The following CLIC5 variants were observed in gnomAD, a reference collection of about 807,000 sequenced individuals.
The protein encoded by CLIC5 is CLIC family member 5, also known as chloride intracellular channel protein 5.
CLIC5 carries 20 observed loss-of-function variants against 24.7 expected under a neutral mutation model. The ratio of observed to expected loss-of-function variants is 0.81; its 90% CI spans 0.57 to 1.18. CLIC5 has a LOEUF of 1.18. Among genes scored for constraint, CLIC5 ranks in the 50% most tolerant of loss-of-function variants. CLIC5 has a pLI of 0.00. For missense variants in CLIC5, 341 were observed against 326.1 expected (o/e 1.05, Z -0.35); for synonymous variants, 159 against 135.6 (o/e 1.17, Z -1.20).
At chr6:45,978,235 G>T (rs1470369910) in intron 1 of CLIC5, among the ~76,000 whole-genome samples, 1 of 152,150 alleles carries the variant, frequency 6.6e-6, no homozygotes, top group Non-Finnish European at 1.5e-5. Flanking sequence ...TACCTGGTCT[G>T]ACCCATCTAT....
chr6:46,108,183 G>A, the CLIC5 span, among the ~76,000 whole-genome samples: 3 of 151,958 alleles, frequency 2.0e-5, no homozygotes, highest in Admixed American at 6.6e-5. Context: ...TGCTTATAAG[G>A]TTTTATTAAA....
chr6:46,050,291 T>G (rs1768068104), intron 1 of CLIC5, among the ~76,000 whole-genome samples: 1 of 152,220 alleles, frequency 6.6e-6, no homozygotes, highest in Non-Finnish European at 1.5e-5. Flanking sequence ...TCTGACGCTG[T>G]TGATGCCCTG....
At chr6:45,948,388 C>T (rs1764356855) in intron 3 of CLIC5, among the ~76,000 whole-genome samples, 1 of 152,136 alleles carries the variant, frequency 6.6e-6, no homozygotes, top group Admixed American at 6.5e-5. Flanking sequence ...TCTCCAGCTT[C>T]ATGGTCCTCT....
the CLIC5 span, among the ~76,000 whole-genome samples, chr6:46,123,755 G>C: frequency 1.3e-5 from 2 of 152,158 alleles, no homozygotes; most frequent in Admixed American, 6.5e-5. Context: ...CAAAATCAAT[G>C]TGCAAAAATC....
chr6:46,027,676 C>T (rs765336943), intron 1 of CLIC5, among the ~76,000 whole-genome samples: 51 of 152,060 alleles, frequency 3.4e-4, no homozygotes, highest in Non-Finnish European at 3.8e-4. Context: ...CAATTAAATG[C>T]CTTTGCAAAA....
chr6:45,893,911 C>A (rs776675112), downstream of CLIC5, among the ~76,000 whole-genome samples: 29 of 152,076 alleles, frequency 1.9e-4, no homozygotes, highest in Non-Finnish European at 3.8e-4. Flanking sequence ...AAGAAAGAAC[C>A]TATGTTTTGC....
chr6:46,006,093 C>T (rs1487056209), intron 1 of CLIC5, among the ~76,000 whole-genome samples: 8 of 94,780 alleles, frequency 8.4e-5, no homozygotes, highest in African/African-American at 3.2e-4. Flanking sequence ...TGTATAAATA[C>T]ATATATATAT....
At chr6:46,059,170 C>T (rs1768345601) in intron 1 of CLIC5, among the ~76,000 whole-genome samples, 1 of 152,174 alleles carries the variant, frequency 6.6e-6, no homozygotes, top group Non-Finnish European at 1.5e-5. Context: ...TCTTGTCTGC[C>T]TCTAAATCCA....
At chr6:45,980,824 A>C (rs745646633) in intron 1 of CLIC5, among the ~76,000 whole-genome samples, 1 of 152,210 alleles carries the variant, frequency 6.6e-6, no homozygotes, top group African/African-American at 2.4e-5. Flanking sequence ...ATCTTCTCCA[A>C]GAAATTGTCT....
At chr6:45,913,275 C>G (rs1184197801) in intron 5 of CLIC5, among the ~76,000 whole-genome samples, 2 of 152,114 alleles carry the variant, frequency 1.3e-5, no homozygotes, top group Admixed American at 6.5e-5. Flanking sequence ...CACAGTATGG[C>G]TATCTGATAC....
At chr6:46,051,208 G>T (rs1184151316) in intron 1 of CLIC5, among the ~76,000 whole-genome samples, 7 of 152,170 alleles carry the variant, frequency 4.6e-5, no homozygotes. Flanking sequence ...GCTCCCACTT[G>T]TGTATGCCCT....
chr6:45,918,612 A>G (rs1386984794), intron 4 of CLIC5, among the ~76,000 whole-genome samples: 1 of 152,216 alleles, frequency 6.6e-6, no homozygotes, highest in African/African-American at 2.4e-5. Context: ...TTTCTCTTGT[A>G]TGTGTGTTGC....
chr6:45,969,796 G>GTTTTTT (rs397779323), intron 1 of CLIC5, among the ~76,000 whole-genome samples: 4 of 105,312 alleles, frequency 3.8e-5, no homozygotes, highest in African/African-American at 7.9e-5. Flanking sequence ...TCACATCAAG[G>GTTTTTT]TTTTTTTTTT....
At chr6:45,896,268 G>A (rs977720839), downstream of CLIC5, among the ~76,000 whole-genome samples, 3 of 152,224 alleles carry the variant, frequency 2.0e-5, no homozygotes, top group Non-Finnish European at 4.4e-5. Flanking sequence ...TTAAAGAAGA[G>A]CACAGAGAGA....
chr6:45,981,884 G>C (rs1370736402), intron 1 of CLIC5, among the ~76,000 whole-genome samples: 12 of 152,188 alleles, frequency 7.9e-5, no homozygotes, highest in Non-Finnish European at 1.5e-4. Flanking sequence ...TGTAATCCCA[G>C]TTACTCGGGA....
intron 1 of CLIC5, among the ~76,000 whole-genome samples, chr6:45,978,793 T>C (rs1765470685): frequency 6.6e-6 from 1 of 152,014 alleles, no homozygotes; most frequent in African/African-American, 2.4e-5. Flanking sequence ...CTACTAAAAA[T>C]ACAAACATTA....
intron 1 of CLIC5, among the ~76,000 whole-genome samples, chr6:46,021,001 C>A (rs565452043): frequency 2.0e-5 from 3 of 147,598 alleles, no homozygotes; most frequent in African/African-American, 5.0e-5. Flanking sequence ...GAAAGAATAA[C>A]ACCAATTCCA....
chr6:45,976,286 G>A (rs190819243), intron 1 of CLIC5, among the ~76,000 whole-genome samples: 35 of 152,292 alleles, frequency 2.3e-4, no homozygotes, highest in African/African-American at 3.4e-4. Context: ...GTGGGACATC[G>A]GAAAAGTGTC....
At chr6:45,933,025 A>C (rs1019038443) in intron 4 of CLIC5, among the ~76,000 whole-genome samples, 2 of 152,214 alleles carry the variant, frequency 1.3e-5, no homozygotes, top group African/African-American at 4.8e-5. Flanking sequence ...AGGTTCCTAG[A>C]ATAACCCGAG....
Sources: allele counts gnomAD v4.1 joint callset (sites outside exome capture counted in the v4.1 genomes callset), GRCh38; gene constraint gnomAD v4.1.1; transcripts MANE v1.5; gene names NCBI Gene and HGNC (gene_info 2026-07-23, HGNC 2026-07-21).